KCNMA1: variants seen among roughly 807,000 people sequenced by gnomAD.
KCNMA1 encodes the protein Calcium-activated potassium channel subunit alpha-1.
KCNMA1 carries 29 observed loss-of-function variants against 140.0 expected under a neutral mutation model. That is an observed-to-expected ratio of 0.21 (90% CI 0.15 to 0.28). The LOEUF (loss-of-function observed/expected upper bound fraction) is 0.28, where lower values mean the gene tolerates loss of function less well. KCNMA1 is among the 10% of genes least tolerant of loss of function. KCNMA1 has a pLI of 1.00. For missense variants in KCNMA1, 880 were observed against 1,602.2 expected (o/e 0.55, Z 7.70); for synonymous variants, 612 against 611.9 (o/e 1.00, Z 0.00).
intron 2 of KCNMA1, among the ~76,000 whole-genome samples, chr10:77,262,976 A>G (rs564708278): frequency 2.0e-5 from 3 of 152,354 alleles, no homozygotes; most frequent in Admixed American, 6.5e-5. Flanking sequence ...AAATGGCTGA[A>G]ATGGTAAATC....
At chr10:77,282,526 G>A (rs1259635286) in intron 2 of KCNMA1, among the ~76,000 whole-genome samples, 1 of 152,168 alleles carries the variant, frequency 6.6e-6, no homozygotes, top group Non-Finnish European at 1.5e-5. Flanking sequence ...AATGTGTGCA[G>A]GGCAGGTATA....
chr10:76,909,826 T>C, intron 25 of KCNMA1, 140 bp downstream of exon 25: 1 of 828,306 alleles, frequency 1.2e-6, no homozygotes. Context: ...ATAATGTGGG[T>C]CTCCCCTTCT....
intron 20 of KCNMA1, 109 bp downstream of exon 20, chr10:76,969,865 C>T (rs1197660422): frequency 1.1e-5 from 9 of 828,202 alleles, no homozygotes; most frequent in Middle Eastern, 3.2e-4. Context: ...TCCCCCACCC[C>T]GGGCTTGCTG....
At chr10:76,989,032 T>C in intron 19 of KCNMA1, among the ~76,000 whole-genome samples, 1 of 152,116 alleles carries the variant, frequency 6.6e-6, no homozygotes, top group Non-Finnish European at 1.5e-5. Flanking sequence ...GCATTCATTG[T>C]GGGAGGGCAG....
chr10:77,009,980 T>G (rs2090306022), intron 18 of KCNMA1, among the ~76,000 whole-genome samples: 1 of 152,182 alleles, frequency 6.6e-6, no homozygotes, highest in African/African-American at 2.4e-5. Flanking sequence ...GACTTTACCT[T>G]GTTGACCACT....
chr10:77,422,421 A>C (rs572013706), intron 1 of KCNMA1, among the ~76,000 whole-genome samples: 2 of 152,314 alleles, frequency 1.3e-5, no homozygotes, highest in African/African-American at 4.8e-5. Flanking sequence ...AAATGATTTC[A>C]AGGCTTCGGT....
chr10:76,961,468 C>G lies in KCNMA1; in HGVS notation c.2361-7544G>C, dbSNP rs142100829. Among the ~76,000 whole-genome samples, 1,374 of 152,194 alleles carry G rather than the reference C, an allele frequency of 9.0e-3. 20 individuals are homozygous for G. Among genetic ancestry groups the G allele is most frequent in the African/African-American group, 0.032 (1,326 of 41,496 alleles). ...GATTCTGTGAGCATTGTTGAAATGA[C>G]AACAAAGGATTTAGAATAGTACATA... On this transcript the variant is annotated intron_variant, in intron 20 of 27. Transcript: ENST00000286628.
chr10:77,521,574 G>C (rs1046771048), intron 1 of KCNMA1, among the ~76,000 whole-genome samples: 4 of 152,230 alleles, frequency 2.6e-5, no homozygotes, highest in Non-Finnish European at 5.9e-5. Context: ...CCTCTTTGGA[G>C]ATCTGCTGTA....
intron 5 of KCNMA1, among the ~76,000 whole-genome samples, chr10:77,172,981 C>T (rs1472020244): frequency 6.6e-6 from 1 of 152,076 alleles, no homozygotes; most frequent in Admixed American, 6.6e-5. Context: ...CCTGAGGGCT[C>T]CACCCTCATG....
intron 5 of KCNMA1, among the ~76,000 whole-genome samples, chr10:77,161,139 G>A (rs1285379306): frequency 6.6e-6 from 1 of 152,156 alleles, no homozygotes; most frequent in East Asian, 1.9e-4. Flanking sequence ...GGACAGATGT[G>A]GGATAAGGAA....
At chr10:76,909,410 C>G (rs1025629649) in intron 25 of KCNMA1, among the ~76,000 whole-genome samples, 3 of 152,156 alleles carry the variant, frequency 2.0e-5, no homozygotes, top group African/African-American at 7.2e-5. Context: ...GATTATGTCA[C>G]TCTCCAACTA....
chr10:76,877,876 T>C (rs1358310388), exon 30 of KCNMA1: 1 of 1,610,528 alleles, frequency 6.2e-7, no homozygotes, highest in Non-Finnish European at 8.5e-7. Context: ...GGTTCATCTG[T>C]AAACCATTTC....
At chr10:77,057,956 A>G (rs1420501733) in intron 14 of KCNMA1, among the ~76,000 whole-genome samples, 1 of 151,986 alleles carries the variant, frequency 6.6e-6, no homozygotes, top group Non-Finnish European at 1.5e-5. Context: ...CAACCAATTA[A>G]GAAAGAGAGA....
intron 2 of KCNMA1, among the ~76,000 whole-genome samples, chr10:77,292,061 C>T (rs557732894): frequency 2.4e-4 from 37 of 152,200 alleles, no homozygotes; most frequent in Non-Finnish European, 4.7e-4. Context: ...CCTCAAGTAA[C>T]ATAACCCTGC....
intron 1 of KCNMA1, among the ~76,000 whole-genome samples, chr10:77,443,347 T>A (rs2097451720): frequency 1.3e-5 from 2 of 152,208 alleles, no homozygotes; most frequent in Non-Finnish European, 2.9e-5. Flanking sequence ...GATCCATCAC[T>A]ATCCCCCCAT....
intron 15 of KCNMA1, among the ~76,000 whole-genome samples, chr10:77,032,719 C>T (rs1206870320): frequency 6.6e-6 from 1 of 150,950 alleles, no homozygotes; most frequent in African/African-American, 2.4e-5. Flanking sequence ...CGACATTATA[C>T]AAAGCCCAAC....
intron 1 of KCNMA1, among the ~76,000 whole-genome samples, chr10:77,421,008 C>T (rs1402715577): frequency 2.0e-5 from 3 of 152,234 alleles, no homozygotes; most frequent in Non-Finnish European, 2.9e-5. Context: ...AGGGACTCCC[C>T]CTTGCTCTTA....
At chr10:77,565,279 G>A (rs116319925) in intron 1 of KCNMA1, among the ~76,000 whole-genome samples, 297 of 152,306 alleles carry the variant, frequency 2.0e-3, no homozygotes, top group African/African-American at 6.7e-3. Context: ...AGAGGACAAC[G>A]CGGATGGTAA....
chr10:76,988,003 G>A (rs1198146647), intron 19 of KCNMA1, among the ~76,000 whole-genome samples: 1 of 152,216 alleles, frequency 6.6e-6, no homozygotes, highest in African/African-American at 2.4e-5. Context: ...ACTAGCTGAA[G>A]AAGAAATGAG....
Sources: gnomAD v4.1 joint callset for allele counts (sites outside exome capture counted in the v4.1 genomes callset) on GRCh38, gnomAD v4.1.1 for gene constraint, MANE v1.5 for transcripts, NCBI Gene and HGNC (gene_info 2026-07-23, HGNC 2026-07-21) for gene names.